Variants in DNMBP observed in about 807,000 individuals in gnomAD.
DNMBP encodes the protein dynamin-binding protein.
A neutral mutation model predicts 150.0 loss-of-function variants in DNMBP; 87 were observed. The ratio of observed to expected loss-of-function variants is 0.58; its 90% CI spans 0.49 to 0.69. The LOEUF (loss-of-function observed/expected upper bound fraction) is 0.69, where lower values mean the gene tolerates loss of function less well. DNMBP is among the 30% of genes least tolerant of loss of function. The probability of loss-of-function intolerance (pLI) is 0.00; values close to 1 mark genes in which losing one functional copy is unlikely to be tolerated. For synonymous variants in DNMBP, 711 were observed against 750.4 expected (o/e 0.95, Z 0.86); for missense variants, 1,774 against 1,949.0 (o/e 0.91, Z 1.69).
chr10:99,937,478 T>C (rs950609143), intron 4 of DNMBP, among the ~76,000 whole-genome samples: 2 of 152,218 alleles, frequency 1.3e-5, no homozygotes, highest in African/African-American at 4.8e-5. Context: ...AACTAGTACA[T>C]GGCAGGGCCA....
At chr10:99,902,300 C>CTTT (rs1234322535) in intron 6 of DNMBP, among the ~76,000 whole-genome samples, 1 of 119,876 alleles carries the variant, frequency 8.3e-6, no homozygotes, top group African/African-American at 3.2e-5. Flanking sequence ...GGAAGCCTCC[C>CTTT]TTCTTTTTTT....
At chr10:99,955,130 C>A in intron 4 of DNMBP, 84 bp downstream of exon 4, 1 of 1,156,206 alleles carries the variant, frequency 8.6e-7, no homozygotes, top group African/African-American at 1.5e-5. Flanking sequence ...AGGATGGTAA[C>A]ATATCCCTAA....
intron 4 of DNMBP, among the ~76,000 whole-genome samples, chr10:99,947,530 G>C (rs2040371284): frequency 7.0e-6 from 1 of 142,048 alleles, no homozygotes; most frequent in Non-Finnish European, 1.5e-5. Flanking sequence ...TGGACATAAA[G>C]ATAGGAACAA....
intron 1 of DNMBP, among the ~76,000 whole-genome samples, chr10:99,973,994 A>T (rs1161444515): frequency 6.6e-6 from 1 of 152,162 alleles, no homozygotes; most frequent in Non-Finnish European, 1.5e-5. Flanking sequence ...AGGAAAAAGG[A>T]AAAGGAAAGG....
In DNMBP at chr10:99,921,292, T is replaced by C. The variant is rs1307897007; in HGVS notation, c.2261-12146A>G. On this transcript the variant is annotated intron_variant, in intron 4 of 16. Coordinates refer to ENST00000324109, the MANE Select transcript of DNMBP (RefSeq NM_015221.4). ...AAATCCCAGCTTCTCCATGACACTT[T>C]CTCTAGTCCTTGGATTGCTCTTTCC... Among the ~76,000 whole-genome samples the C allele has an allele frequency of 2.6e-5, 4 of 152,220 alleles. No homozygotes were observed. In the East Asian group the frequency reaches 5.8e-4, roughly 22 times the overall value.
chr10:99,981,601 T>C (rs1431612951), intron 1 of DNMBP, among the ~76,000 whole-genome samples: 1 of 152,220 alleles, frequency 6.6e-6, no homozygotes, highest in Admixed American at 6.5e-5. Flanking sequence ...GTTTAATAAG[T>C]AATTTCTAAT....
Position 99,880,280 on chromosome 10 carries a change from T to C in DNMBP, c.4079A>G (p.His1360Arg). 1 of 1,613,706 alleles carries C rather than the reference T, an allele frequency of 6.2e-7. No individual in the cohort carries two copies. Among genetic ancestry groups the C allele is most frequent in the Non-Finnish European group, 8.5e-7 (1 of 1,179,924 alleles). The change falls in exon 16 of 17, where the codon CAC (histidine) becomes CGC (arginine). Residue 1360 changes from histidine (H) to arginine (R), a missense_variant. This residue lies in a region of DNMBP where 1,430 missense variants were observed against 1,492.5 expected (regional missense o/e 0.96). Coordinates refer to ENST00000324109, the MANE Select transcript of DNMBP (RefSeq NM_015221.4). ...RSHSDASVGSHSSTESEHGSS... is the reference protein window; with the variant it reads ...RSHSDASVGSRSSTESEHGSS... ...GCCGTGCTCAGACTCTGTGGAGGAG[T>C]GGCTACCCACGGAGGCATCGGAGTG...
chr10:99,952,714 C>T (rs2040438454), intron 4 of DNMBP, among the ~76,000 whole-genome samples: 1 of 152,180 alleles, frequency 6.6e-6, no homozygotes, highest in South Asian at 2.1e-4. Flanking sequence ...GTTTCCCTCT[C>T]TTTCTGCTAT....
chr10:99,923,359 C>G (rs1001033525), intron 4 of DNMBP, among the ~76,000 whole-genome samples: 2 of 151,684 alleles, frequency 1.3e-5, no homozygotes, highest in Non-Finnish European at 2.9e-5. Context: ...GTACTGCAGC[C>G]TGGTCAAAAG....
intron 12 of DNMBP, among the ~76,000 whole-genome samples, chr10:99,887,040 G>A (rs2252202): frequency 0.14 from 21,790 of 152,010 alleles, 2,449 homozygotes; most frequent in African/African-American, 0.31. Flanking sequence ...TAAATCTGAG[G>A]TGGAATAACT....
chr10:99,888,076 G>A (rs2039497964), intron 12 of DNMBP, among the ~76,000 whole-genome samples: 1 of 152,038 alleles, frequency 6.6e-6, no homozygotes, highest in South Asian at 2.1e-4. Context: ...GCCCACCTCG[G>A]CCTCCCAAAA....
chr10:99,880,609 G>T (rs1172124590), intron 15 of DNMBP, among the ~76,000 whole-genome samples: 3 of 152,172 alleles, frequency 2.0e-5, no homozygotes, highest in Non-Finnish European at 2.9e-5. Flanking sequence ...CTGCCTGCCG[G>T]TTCATTCATG....
chr10:99,887,477 A>G (rs892157135), intron 12 of DNMBP, among the ~76,000 whole-genome samples: 2 of 151,154 alleles, frequency 1.3e-5, no homozygotes, highest in African/African-American at 4.8e-5. Context: ...CAGTGAGCAG[A>G]GATTGTGCCA....
chr10:99,891,443 G>A (rs1328592451), intron 11 of DNMBP, among the ~76,000 whole-genome samples: 3 of 151,956 alleles, frequency 2.0e-5, no homozygotes, highest in Admixed American at 1.3e-4. Context: ...CCGAGGTGCC[G>A]GGATTGCAGA....
At chr10:99,987,408 GAAGAGTAGCTGGGATAAGAT>G (rs1039713517) in intron 1 of DNMBP, among the ~76,000 whole-genome samples, 1 of 152,058 alleles carries the variant, frequency 6.6e-6, no homozygotes, top group Non-Finnish European at 1.5e-5. Context: ...AAAACATTAC[GAAGAGTAGCTGGGATAAGAT>G]AAGAGTAGCT....
At chr10:99,932,306 C>G (rs1329243995) in intron 4 of DNMBP, among the ~76,000 whole-genome samples, 1 of 152,070 alleles carries the variant, frequency 6.6e-6, no homozygotes, top group Non-Finnish European at 1.5e-5. Flanking sequence ...CTCAATCTAC[C>G]CATCAATAAA....
intron 4 of DNMBP, among the ~76,000 whole-genome samples, chr10:99,917,442 CAG>C (rs2039976295): frequency 6.6e-6 from 1 of 152,188 alleles, no homozygotes; most frequent in Non-Finnish European, 1.5e-5. Flanking sequence ...TTAAAGGTGA[CAG>C]AAACCGAGTT....
At chr10:99,899,726 G>T (rs190041642) in intron 7 of DNMBP, 193 bp downstream of exon 7, 1 of 661,958 alleles carries the variant, frequency 1.5e-6, no homozygotes, top group South Asian at 1.8e-5. Context: ...ACCTGATAAC[G>T]CTAACCTAAT....
At chr10:99,974,800 G>A (rs1050053150) in intron 1 of DNMBP, among the ~76,000 whole-genome samples, 8 of 152,114 alleles carry the variant, frequency 5.3e-5, no homozygotes, top group African/African-American at 1.9e-4. Flanking sequence ...TATGAGACAG[G>A]GTCCTATTCT....
Sources: allele counts gnomAD v4.1 joint callset (sites outside exome capture counted in the v4.1 genomes callset), GRCh38; gene constraint gnomAD v4.1.1; regional missense constraint gnomAD v4.1.1; transcripts MANE v1.5; gene names NCBI Gene and HGNC (gene_info 2026-07-23, HGNC 2026-07-21).